The following ZFHX3 variants were observed in gnomAD, a reference collection of about 807,000 sequenced individuals.
The protein encoded by ZFHX3 is zinc finger homeobox protein 3.
Under a neutral mutation model 279.1 loss-of-function variants are expected in ZFHX3, and 42 were observed. The observed-to-expected ratio is 0.15, with a 90% CI of 0.12 to 0.19. The LOEUF is 0.19. Ranked by LOEUF, ZFHX3 falls within the 10% of genes least tolerant of loss-of-function variation. The pLI is 1.00. For missense variants in ZFHX3, 4,981 were observed against 4,754.0 expected (o/e 1.05, Z -1.40); for synonymous variants, 2,293 against 1,957.8 (o/e 1.17, Z -4.52).
At chr16:73,465,940 C>G (rs1268381775) in intron 2 of ZFHX3, among the ~76,000 whole-genome samples, 2 of 152,062 alleles carry the variant, frequency 1.3e-5, no homozygotes, top group Non-Finnish European at 2.9e-5. Flanking sequence ...ACTCCCACCC[C>G]ACCCCCTCAC....
At position 73,589,350 on chromosome 16, in the gene ZFHX3, C is replaced by T. The variant is rs576408791; in HGVS notation, c.-1547+90830G>A. On this transcript the variant is annotated intron_variant, in intron 2 of 17. Transcript: ENST00000641206. ...GCTTGGGAGGCTGAAGTAGGATGAT[C>T]ACTTGAGCCCGAGAGGTTAAGATTG... 2.1e-5 allele frequency among the ~76,000 whole-genome samples: 3 copies of T among 143,866 alleles called. 1 individual carries two copies. Among genetic ancestry groups the T allele is most frequent in the African/African-American group, 7.6e-5 (3 of 39,268 alleles). The allele number at this position is 143,866 out of a possible 152,430, so 94.4% of individuals were successfully genotyped here. A position where few individuals can be genotyped will look rare whatever the true frequency, so the allele number is the denominator to read the frequency against.
intron 3 of ZFHX3, among the ~76,000 whole-genome samples, chr16:73,426,400 G>T (rs1192500993): frequency 6.6e-6 from 1 of 152,200 alleles, no homozygotes; most frequent in Non-Finnish European, 1.5e-5. Context: ...CAAGAAAGGT[G>T]ATAAATGGCC....
intron 1 of ZFHX3, among the ~76,000 whole-genome samples, chr16:73,833,625 G>T (rs1018596624): frequency 6.6e-6 from 1 of 151,692 alleles, no homozygotes; most frequent in African/African-American, 2.4e-5. Context: ...GCAAGGGGAG[G>T]GATAGCATTA....
intron 2 of ZFHX3, among the ~76,000 whole-genome samples, chr16:73,497,601 T>C (rs1208512013): frequency 6.6e-6 from 1 of 151,938 alleles, no homozygotes; most frequent in Admixed American, 6.6e-5. Context: ...GCCCAGGGGG[T>C]CGAGACTGTA....
chr16:73,869,696 G>A (rs1423580577), intron 1 of ZFHX3, among the ~76,000 whole-genome samples: 1 of 152,228 alleles, frequency 6.6e-6, no homozygotes, highest in Non-Finnish European at 1.5e-5. Flanking sequence ...GTTCTGGTAT[G>A]TGACCTACTG....
chr16:73,350,821 T>G (rs940950161), intron 3 of ZFHX3, among the ~76,000 whole-genome samples: 1 of 152,176 alleles, frequency 6.6e-6, no homozygotes, highest in East Asian at 1.9e-4. Flanking sequence ...GACGGTCTCT[T>G]GGGAGAAATC....
intron 1 of ZFHX3, among the ~76,000 whole-genome samples, chr16:73,860,484 T>G (rs987293370): frequency 3.2e-4 from 48 of 152,248 alleles, no homozygotes; most frequent in Middle Eastern, 3.4e-3. Flanking sequence ...AGTTGTAAGA[T>G]TCATTGTCTG....
intron 1 of ZFHX3, among the ~76,000 whole-genome samples, chr16:73,866,053 G>A (rs1239381156): frequency 6.6e-6 from 1 of 150,944 alleles, no homozygotes; most frequent in Non-Finnish European, 1.5e-5. Flanking sequence ...TGAGAATCCT[G>A]TTCTCAATCT....
At chr16:73,622,240 C>G (rs1158737873) in intron 2 of ZFHX3, among the ~76,000 whole-genome samples, 1 of 152,244 alleles carries the variant, frequency 6.6e-6, no homozygotes, top group Non-Finnish European at 1.5e-5. Flanking sequence ...CTGAAGCTTA[C>G]AGAATTTGGA....
chr16:72,937,493 C>G (rs556138746), intron 3 of ZFHX3, among the ~76,000 whole-genome samples: 251 of 152,350 alleles, frequency 1.6e-3, no homozygotes, highest in Middle Eastern at 6.8e-3. Flanking sequence ...ACTTCTGGAT[C>G]CAGCAACTGG....
intron 2 of ZFHX3, among the ~76,000 whole-genome samples, chr16:73,468,139 C>T (rs1452930233): frequency 6.6e-6 from 1 of 152,190 alleles, no homozygotes; most frequent in East Asian, 1.9e-4. Context: ...ATGCTCACAT[C>T]AACCAAGTCC....
At chr16:73,636,749 G>A (rs890418060) in intron 2 of ZFHX3, among the ~76,000 whole-genome samples, 4 of 152,052 alleles carry the variant, frequency 2.6e-5, no homozygotes, top group Non-Finnish European at 2.9e-5. Context: ...GGAACATAAA[G>A]GAAGGTTTAA....
At chr16:73,184,983 CTT>C (rs11385082) in intron 5 of ZFHX3, among the ~76,000 whole-genome samples, 2 of 143,368 alleles carry the variant, frequency 1.4e-5, no homozygotes, top group Admixed American at 6.8e-5. Flanking sequence ...TGCACCATCT[CTT>C]TTTTTTTTTT....
intron 1 of ZFHX3, among the ~76,000 whole-genome samples, chr16:73,032,786 C>G (rs527330063): frequency 6.6e-6 from 1 of 152,062 alleles, no homozygotes; most frequent in Admixed American, 6.5e-5. Flanking sequence ...TAGTTAGCAA[C>G]GAGAGCGGAT....
intron 3 of ZFHX3, among the ~76,000 whole-genome samples, chr16:73,415,081 C>G (rs545249211): frequency 6.6e-6 from 1 of 151,718 alleles, no homozygotes. Flanking sequence ...TTCCTGGGAG[C>G]CAAAGTTCCC....
chr16:73,690,459 C>A (rs2053137841), intron 1 of ZFHX3, among the ~76,000 whole-genome samples: 1 of 152,194 alleles, frequency 6.6e-6, no homozygotes, highest in Non-Finnish European at 1.5e-5. Flanking sequence ...CAAGGAATTG[C>A]TTTACACCTT....
rs1011800297 is a variant in ZFHX3 at position 73,220,930 on chromosome 16, T to C, written c.-1104+36117A>G. Among the ~76,000 whole-genome samples, 25 of 152,266 alleles carry C rather than the reference T, an allele frequency of 1.6e-4. 1 individual carries two copies. The highest frequency in any genetic ancestry group is 1.1e-3 in the Admixed American group (17 of 15,290). ...TTTTGTGCATGGGAGGGAGGTGTAC[T>C]CAGGGACAACAGTGGTCCAGGGAAT... On this transcript the variant is annotated intron_variant, in intron 5 of 17. Coordinates refer to the ZFHX3 transcript ENST00000641206.
intron 3 of ZFHX3, among the ~76,000 whole-genome samples, chr16:72,941,480 G>A (rs1399933540): frequency 6.6e-6 from 1 of 152,080 alleles, no homozygotes; most frequent in Admixed American, 6.6e-5. Flanking sequence ...ACAAAACACG[G>A]GATGCCCAGT....
In ZFHX3 at chr16:72,797,947, C is replaced by T. The variant is rs780546363; in HGVS notation, c.4735G>A (p.Glu1579Lys). Residue 1579 changes from glutamate (E) to lysine (K), a missense_variant, in exon 9 of 10, where the codon GAA becomes AAA. Coordinates refer to ENST00000268489, the MANE Select transcript of ZFHX3 (RefSeq NM_006885.4). ...HLHKLKRALQ[E>K]SATGQPEPTS... is the part of the protein sequence containing the mutation. ...GGTTCTGGCTGACCGGTTGCTGATT[C>T]TTGAAGGGCTCTCTTTAACTTATGC... The T allele has an allele frequency of 1.2e-6, 2 of 1,614,074 alleles. No homozygotes were observed. Among genetic ancestry groups the T allele is most frequent in the African/African-American group, 2.7e-5 (2 of 74,926 alleles).
Sources: allele counts gnomAD v4.1 joint callset (sites outside exome capture counted in the v4.1 genomes callset), GRCh38; gene constraint gnomAD v4.1.1; transcripts MANE v1.5; gene names NCBI Gene and HGNC (gene_info 2026-07-23, HGNC 2026-07-21).